CD96: variants seen among roughly 807,000 people sequenced by gnomAD.
CD96 encodes the protein CD96 molecule, also known as T-cell surface protein tactile.
CD96 carries 70 observed loss-of-function variants against 71.3 expected under a neutral mutation model. The observed-to-expected ratio is 0.98, with a 90% CI of 0.81 to 1.20. The LOEUF is 1.20. Among genes scored for constraint, CD96 ranks in the 50% most tolerant of loss-of-function variants. The pLI is 0.00. For missense variants in CD96, 742 were observed against 677.5 expected (o/e 1.10, Z -1.06); for synonymous variants, 248 against 233.0 (o/e 1.06, Z -0.59).
chr3:111,580,780 C>G (rs1936430348), intron 4 of CD96, among the ~76,000 whole-genome samples: 1 of 152,118 alleles, frequency 6.6e-6, no homozygotes, highest in Non-Finnish European at 1.5e-5. Flanking sequence ...TAAACAGTGT[C>G]CTGTGAAGAG....
Position 111,658,991 on chromosome 3 carries a change from T to C in CD96, c.*53-6536T>C, listed in dbSNP as rs142036192. Among the ~76,000 whole-genome samples the C allele has an allele frequency of 2.6e-3, 390 of 152,304 alleles. 2 individuals are homozygous for C. Among genetic ancestry groups the C allele is most frequent in the African/African-American group, 8.8e-3 (364 of 41,572 alleles). On this transcript the variant is annotated intron_variant and NMD_transcript_variant, in intron 14 of 14. Transcript: ENST00000494798. ...CAGTTCTTTGTACATCTGGTAGAATTTGGCTGTGAATCCATTGGGTCCAGG... is the reference window on the plus strand; with the variant it reads ...CAGTTCTTTGTACATCTGGTAGAATCTGGCTGTGAATCCATTGGGTCCAGG...
At chr3:111,608,945 G>GGT (rs1937764608) in intron 8 of CD96, among the ~76,000 whole-genome samples, 1 of 152,118 alleles carries the variant, frequency 6.6e-6, no homozygotes, top group Non-Finnish European at 1.5e-5. Context: ...GATGAAAGGT[G>GGT]GTGTACCTTA....
chr3:111,650,280 A>C lies in CD96; in HGVS notation c.*474A>C, dbSNP rs1425297572. 1 of 183,462 alleles carries C rather than the reference A, an allele frequency of 5.5e-6. No homozygotes were observed. The highest frequency in any genetic ancestry group is 2.3e-5 in the African/African-American group (1 of 42,612). The allele number at this position is 183,462 out of a possible 1,614,324, so 11.4% of individuals were successfully genotyped here. On this transcript the variant is annotated 3_prime_UTR_variant, in exon 14 of 14. Transcript: ENST00000352690. ...TGTAAAAGTGCTAACAAGGCTGCCAAGTAATGGAGAAGTATGGTTAGTCTT... is the reference window on the plus strand; with the variant it reads ...TGTAAAAGTGCTAACAAGGCTGCCACGTAATGGAGAAGTATGGTTAGTCTT...
At chr3:111,555,931 C>T (rs1934993263) in intron 2 of CD96, among the ~76,000 whole-genome samples, 1 of 152,296 alleles carries the variant, frequency 6.6e-6, no homozygotes, top group Admixed American at 6.5e-5. Context: ...TCCTATATGG[C>T]TCTGAAGCTG....
chr3:111,567,495 A>G, intron 2 of CD96, 28 bp from the exon 3 acceptor site: 2 of 1,594,658 alleles, frequency 1.3e-6, no homozygotes, highest in South Asian at 1.1e-5. Context: ...AGAGATTCAC[A>G]TATTTTCTAC....
At chr3:111,542,975 A>G (rs1235342000) in intron 1 of CD96, among the ~76,000 whole-genome samples, 3 of 152,190 alleles carry the variant, frequency 2.0e-5, no homozygotes, top group Admixed American at 6.5e-5. Flanking sequence ...CTTTTCAGAC[A>G]TAGCTATGAA....
intron 3 of CD96, among the ~76,000 whole-genome samples, chr3:111,572,492 T>C (rs147959627): frequency 1.3e-5 from 2 of 152,336 alleles, no homozygotes; most frequent in East Asian, 3.9e-4. Flanking sequence ...AGCCAATCCA[T>C]ATTTTTGGTC....
intron 3 of CD96, among the ~76,000 whole-genome samples, chr3:111,575,530 G>A (rs1936183715): frequency 6.6e-6 from 1 of 152,198 alleles, no homozygotes; most frequent in South Asian, 2.1e-4. Context: ...ACCCTTACGG[G>A]TTGACATTGG....
rs1328517954 is a variant in CD96, at chr3:111,600,801, A to C, written c.974A>C (p.His325Pro). The change falls in exon 7 of 14, where the codon CAT becomes CCT. Residue 325 changes from histidine to proline, a missense_variant. Physicochemically the swap from His to Pro is moderately conservative, Grantham distance 77. Coordinates refer to ENST00000352690, the MANE Select transcript of CD96 (RefSeq NM_005816.5). ...CTGAAGTCTGTTTTAACAAGGGTACATAGTAATAAACCAGCCCAATCAGAC... is the reference window on the plus strand; with the variant it reads ...CTGAAGTCTGTTTTAACAAGGGTACCTAGTAATAAACCAGCCCAATCAGAC... Reference protein sequence around the residue: ...LELKSVLTRVHSNKPAQSDNL... With the variant: ...LELKSVLTRVPSNKPAQSDNL... 1 of 1,613,316 alleles carries C rather than the reference A, an allele frequency of 6.2e-7. No homozygotes were observed. The highest frequency in any genetic ancestry group is 1.7e-5 in the Admixed American group (1 of 60,032).
intron 8 of CD96, among the ~76,000 whole-genome samples, chr3:111,615,219 G>A (rs1938169213): frequency 6.6e-6 from 1 of 152,214 alleles, no homozygotes; most frequent in Non-Finnish European, 1.5e-5. Flanking sequence ...ACATGATGAG[G>A]TGATGGTTAA....
chr3:111,574,032 G>A (rs73228153), intron 3 of CD96, among the ~76,000 whole-genome samples: 11,662 of 152,278 alleles, frequency 0.077, 638 homozygotes, highest in Non-Finnish European at 0.12. Context: ...GCACTGACTG[G>A]ATGGAGAATA....
chr3:111,582,869 G>T (rs978679827), intron 4 of CD96, among the ~76,000 whole-genome samples: 29 of 152,100 alleles, frequency 1.9e-4, no homozygotes, highest in African/African-American at 5.8e-4. Flanking sequence ...AGATTTGGGT[G>T]GGGACACAGC....
At chr3:111,606,507 T>C (rs1443249291) in intron 7 of CD96, among the ~76,000 whole-genome samples, 193 bp from the exon 8 acceptor site, 1 of 152,208 alleles carries the variant, frequency 6.6e-6, no homozygotes, top group Non-Finnish European at 1.5e-5. Flanking sequence ...TTCCAGGCCA[T>C]AGGCCCTTTA....
chr3:111,563,626 T>C (rs1480659222), intron 2 of CD96, among the ~76,000 whole-genome samples: 2 of 152,252 alleles, frequency 1.3e-5, no homozygotes, highest in Admixed American at 6.5e-5. Context: ...TTTGTACTTG[T>C]CTGTTTTTAC....
intron 8 of CD96, among the ~76,000 whole-genome samples, chr3:111,621,172 G>A (rs1180786076): frequency 3.3e-5 from 5 of 152,180 alleles, no homozygotes; most frequent in African/African-American, 1.2e-4. Flanking sequence ...GAGATTTCTA[G>A]GTAGTGGTCA....
intron 14 of CD96, among the ~76,000 whole-genome samples, chr3:111,659,676 C>A (rs1940310613): frequency 6.6e-6 from 1 of 152,112 alleles, no homozygotes; most frequent in African/African-American, 2.4e-5. Context: ...AGTTAACATA[C>A]CATAATCAAG....
intron 12 of CD96, 24 bp downstream of exon 12, chr3:111,638,192 G>T: frequency 7.4e-7 from 1 of 1,345,608 alleles, no homozygotes; most frequent in Non-Finnish European, 1.1e-6. Context: ...CCTATTTTGG[G>T]GGATTTTATG....
At chr3:111,602,230 T>TA (rs1459684357) in intron 7 of CD96, among the ~76,000 whole-genome samples, 2 of 152,180 alleles carry the variant, frequency 1.3e-5, no homozygotes, top group Admixed American at 1.3e-4. Context: ...CTCAAATTCC[T>TA]AAAAAGAACC....
intron 10 of CD96, among the ~76,000 whole-genome samples, chr3:111,627,961 A>G (rs187769530): frequency 9.2e-4 from 140 of 152,302 alleles, no homozygotes; most frequent in African/African-American, 2.6e-3. Context: ...ATAAAACACA[A>G]CAGCAACAAC....
Sources: gnomAD v4.1 joint callset for allele counts (sites outside exome capture counted in the v4.1 genomes callset) on GRCh38, gnomAD v4.1.1 for gene constraint, MANE v1.5 for transcripts, NCBI Gene and HGNC (gene_info 2026-07-23, HGNC 2026-07-21) for gene names.